The following CELF2 variants were observed in gnomAD, a reference collection of about 807,000 sequenced individuals.
The protein encoded by CELF2 is CUGBP Elav-like family member 2, also known as CUG triplet repeat RNA-binding protein 2.
Under a neutral mutation model 62.6 loss-of-function variants are expected in CELF2, and 8 were observed. That is an observed-to-expected ratio of 0.13 (90% CI 0.07 to 0.23). The LOEUF (loss-of-function observed/expected upper bound fraction) is 0.23, where lower values mean the gene tolerates loss of function less well. CELF2 is among the 10% of genes least tolerant of loss of function. The pLI, the probability that CELF2 is intolerant of heterozygous loss-of-function variation, is 1.00. For missense variants in CELF2, 333 were observed against 671.0 expected, an observed-to-expected ratio of 0.50 and a Z score of 5.56; for synonymous variants, 258 against 250.0, an observed-to-expected ratio of 1.03 and a Z score of -0.30.
the CELF2 span, among the ~76,000 whole-genome samples, chr10:10,642,884 GCCTGCCATCTGACCC>G: frequency 6.6e-6 from 1 of 152,200 alleles, no homozygotes; most frequent in Non-Finnish European, 1.5e-5. Context: ...TGCAGGCCTG[GCCTGCCATCTGACCC>G]CGGTGTTGCC....
At chr10:10,907,981 T>C (rs1363128510) in intron 1 of CELF2, among the ~76,000 whole-genome samples, 1 of 152,110 alleles carries the variant, frequency 6.6e-6, no homozygotes, top group East Asian at 1.9e-4. Context: ...TTCAAATGGG[T>C]AAAATGCCTC....
At chr10:11,248,097 G>T (rs1022521636) in intron 3 of CELF2, among the ~76,000 whole-genome samples, 1 of 152,250 alleles carries the variant, frequency 6.6e-6, no homozygotes, top group Admixed American at 6.5e-5. Flanking sequence ...AAGGTGCCGA[G>T]AGAATGGGAC....
In CELF2 at chr10:11,290,964, G is replaced by C. The variant is rs2092440186; in HGVS notation, c.976+2412G>C. Reference sequence around the variant, plus strand: ...GTCTAATTTCCATCAGGGACTTTTTGAAAGTCACAGAAAATGTGGTTAGTA... The same window carrying C: ...GTCTAATTTCCATCAGGGACTTTTTCAAAGTCACAGAAAATGTGGTTAGTA... On this transcript the variant is annotated intron_variant, in intron 9 of 12. Coordinates refer to ENST00000633077, the MANE Select transcript of CELF2 (RefSeq NM_001326342.2). This position sits in a 1 kb window ranked among gnomAD's most constrained non-coding sequence, Gnocchi z 4.3. Among the ~76,000 whole-genome samples the C allele has an allele frequency of 6.6e-6, 1 of 152,194 alleles. No individual in the cohort carries two copies. The highest frequency in any genetic ancestry group is 2.1e-4 in the South Asian group (1 of 4,832).
At chr10:10,844,973 C>T (rs2058919344) in intron 1 of CELF2, among the ~76,000 whole-genome samples, 1 of 152,086 alleles carries the variant, frequency 6.6e-6, no homozygotes, top group Admixed American at 6.6e-5. Context: ...CATTTTCATT[C>T]CATTTTTGTA....
chr10:11,197,062 G>GAAGA (rs2058080160), intron 2 of CELF2, among the ~76,000 whole-genome samples: 1 of 103,034 alleles, frequency 9.7e-6, no homozygotes, highest in African/African-American at 4.4e-5. Flanking sequence ...AGAAAGAAAA[G>GAAGA]AAAGAAAGGA....
At chr10:10,502,379 TTC>T in the CELF2 span, among the ~76,000 whole-genome samples, 3 of 152,002 alleles carry the variant, frequency 2.0e-5, no homozygotes, top group Non-Finnish European at 2.9e-5. Context: ...GGGTCCCAAA[TTC>T]TCCAATGAAA....
chr10:10,485,524 A>C, the CELF2 span, among the ~76,000 whole-genome samples: 3 of 152,352 alleles, frequency 2.0e-5, no homozygotes, highest in East Asian at 5.8e-4. Context: ...AAGCAGTCCA[A>C]TGGATAATTC....
chr10:10,837,516 C>T (rs768060748), intron 1 of CELF2, among the ~76,000 whole-genome samples: 16 of 152,146 alleles, frequency 1.1e-4, no homozygotes, highest in Non-Finnish European at 1.8e-4. Flanking sequence ...CTTCTATCAC[C>T]CTTGTAGTGG....
chr10:10,699,745 G>A, the CELF2 span, among the ~76,000 whole-genome samples: 3 of 152,204 alleles, frequency 2.0e-5, no homozygotes, highest in African/African-American at 4.8e-5. Flanking sequence ...CTTTGCTGGA[G>A]CCTTGTTGAT....
upstream of CELF2, among the ~76,000 whole-genome samples, chr10:10,793,408 A>G (rs568641040): frequency 6.6e-5 from 10 of 152,230 alleles, no homozygotes; most frequent in Non-Finnish European, 1.0e-4. Context: ...ATGGCTAACT[A>G]TTCAGGTGCA....
intron 1 of CELF2, among the ~76,000 whole-genome samples, chr10:11,131,080 AG>A (rs1361356691): frequency 6.6e-6 from 1 of 152,258 alleles, no homozygotes; most frequent in African/African-American, 2.4e-5. Flanking sequence ...ATTACATTGC[AG>A]TTCTACTGAA....
intron 2 of CELF2, among the ~76,000 whole-genome samples, chr10:11,209,254 C>T (rs543928465): frequency 3.9e-5 from 6 of 152,234 alleles, no homozygotes; most frequent in Admixed American, 6.5e-5. Context: ...CTTGTGAAAT[C>T]GGTGGCCTCA....
chr10:10,861,912 G>A (rs2060065127), intron 1 of CELF2, among the ~76,000 whole-genome samples: 1 of 152,032 alleles, frequency 6.6e-6, no homozygotes, highest in Non-Finnish European at 1.5e-5. Flanking sequence ...AAAACAATAG[G>A]TCTAATAAAA....
At chr10:11,245,168 A>G (rs2075233137) in intron 3 of CELF2, among the ~76,000 whole-genome samples, 1 of 152,208 alleles carries the variant, frequency 6.6e-6, no homozygotes, top group African/African-American at 2.4e-5. Flanking sequence ...TTCCATCCTT[A>G]TACTTTAAAA....
the CELF2 span, among the ~76,000 whole-genome samples, chr10:10,537,179 C>T: frequency 6.6e-6 from 1 of 152,178 alleles, no homozygotes; most frequent in Non-Finnish European, 1.5e-5. Flanking sequence ...CAAGACTTAG[C>T]TCTTAAGAGA....
In CELF2 at chr10:11,156,259, G is replaced by A. The variant is rs2064360612; in HGVS notation, c.75-9227G>A. Among the ~76,000 whole-genome samples, 1 of 152,152 alleles carries A rather than the reference G, an allele frequency of 6.6e-6. No homozygotes were observed. The highest frequency in any genetic ancestry group is 2.1e-4 in the South Asian group (1 of 4,826). ...CTCTCGGATTTAATAGGACGGCACT[G>A]GACGGGATAACATGGCTCTTAATAG... On this transcript the variant is annotated intron_variant, in intron 1 of 12. Transcript: ENST00000633077. The surrounding 1 kb of genome is among the most constrained non-coding windows in gnomAD (Gnocchi z 4.3).
At chr10:10,636,467 T>A in the CELF2 span, among the ~76,000 whole-genome samples, 1 of 152,226 alleles carries the variant, frequency 6.6e-6, no homozygotes, top group African/African-American at 2.4e-5. Context: ...TGCTCTGTGC[T>A]AGAGCAGAAT....
At chr10:11,056,727 GA>G (rs2140278193) in intron 1 of CELF2, among the ~76,000 whole-genome samples, 1 of 152,312 alleles carries the variant, frequency 6.6e-6, no homozygotes, top group African/African-American at 2.4e-5. Context: ...GCATTTTCAT[GA>G]AGATAGTAGA....
the CELF2 span, among the ~76,000 whole-genome samples, chr10:10,689,204 G>A: frequency 6.6e-6 from 1 of 152,094 alleles, no homozygotes; most frequent in Non-Finnish European, 1.5e-5. Context: ...AGCATTACCA[G>A]GAGGCCTCAG....
Sources: gnomAD v4.1 joint callset for allele counts (sites outside exome capture counted in the v4.1 genomes callset) on GRCh38, gnomAD v4.1.1 for gene constraint, Gnocchi (gnomAD v3.1) non-coding constraint, MANE v1.5 for transcripts, NCBI Gene and HGNC (gene_info 2026-07-23, HGNC 2026-07-21) for gene names.